The following C12orf75 variants were observed in gnomAD, a reference collection of about 807,000 sequenced individuals.
C12orf75 encodes overexpressed in colon carcinoma 1 protein.
C12orf75 carries 4 observed loss-of-function variants against 11.4 expected under a neutral mutation model. The observed-to-expected ratio is 0.35, with a 90% confidence interval of 0.17 to 0.80. The LOEUF is 0.80. Ranked by LOEUF, C12orf75 falls within the 30% of genes least tolerant of loss-of-function variation. C12orf75 has a pLI of 0.52. For synonymous variants in C12orf75, 30 were observed against 30.0 expected, an observed-to-expected ratio of 1.00 and a Z score of 0.00; for missense variants, 89 against 80.4, an observed-to-expected ratio of 1.11 and a Z score of -0.41.
At chr12:105,350,692 G>C (rs560054803) in intron 2 of C12orf75, among the ~76,000 whole-genome samples, 2 of 152,158 alleles carry the variant, frequency 1.3e-5, no homozygotes, top group Non-Finnish European at 2.9e-5. Flanking sequence ...TGAGGATTGA[G>C]AGTGGGGCAA....
intron 1 of C12orf75, among the ~76,000 whole-genome samples, chr12:105,331,352 G>A (rs1468222146): frequency 6.6e-6 from 1 of 151,972 alleles, no homozygotes; most frequent in Non-Finnish European, 1.5e-5. Flanking sequence ...CTGGAAAAGT[G>A]CAGCAGAGCA....
chr12:105,350,713 A>G (rs908995639), intron 2 of C12orf75, among the ~76,000 whole-genome samples: 22 of 152,072 alleles, frequency 1.4e-4, no homozygotes, highest in African/African-American at 5.1e-4. Flanking sequence ...TACCTTACCC[A>G]TTTTATTGTG....
rs771376717 is a variant in C12orf75 at position 105,345,659 on chromosome 12, C to CTTTTTTTTTTTTTTTTTTT, written c.47-2941_47-2923dup. Among the ~76,000 whole-genome samples the CTTTTTTTTTTTTTTTTTTT allele has an allele frequency of 4.1e-5, 3 of 73,498 alleles. 1 individual carries two copies. Among genetic ancestry groups the CTTTTTTTTTTTTTTTTTTT allele is most frequent in the Non-Finnish European group, 7.0e-5 (3 of 42,946 alleles). 48.2% of individuals were successfully genotyped at this position (73,498 alleles called of 152,430 possible). A position where few individuals can be genotyped will look rare whatever the true frequency, so the allele number is the denominator to read the frequency against. ...TCCTGATCTTGAATTAGTGTCTGGC[C>CTTTTTTTTTTTTTTTTTTT]TTTTTTTTTTTTTTTTTTTTGAGAC... On this transcript the variant is annotated intron_variant, in intron 1 of 5. Transcript: ENST00000443585.
At chr12:105,352,654 A>G (rs911168895) in intron 2 of C12orf75, among the ~76,000 whole-genome samples, 2 of 152,040 alleles carry the variant, frequency 1.3e-5, no homozygotes, top group Admixed American at 6.6e-5. Flanking sequence ...GGAGGCATGG[A>G]TATTGCTGTA....
chr12:105,361,981 G>A (rs527659674), intron 2 of C12orf75, among the ~76,000 whole-genome samples: 12 of 152,336 alleles, frequency 7.9e-5, no homozygotes, highest in South Asian at 4.1e-4. Context: ...CAAGATCTGC[G>A]AAGATTGATG....
At chr12:105,337,779 A>G (rs1892514649) in intron 1 of C12orf75, among the ~76,000 whole-genome samples, 1 of 152,174 alleles carries the variant, frequency 6.6e-6, no homozygotes, top group Non-Finnish European at 1.5e-5. Context: ...ATAGCGGGTC[A>G]TTGTTTATGC....
intron 1 of C12orf75, among the ~76,000 whole-genome samples, chr12:105,346,881 A>T (rs1229221618): frequency 6.6e-6 from 1 of 152,254 alleles, no homozygotes; most frequent in East Asian, 1.9e-4. Flanking sequence ...TTTAATTTCT[A>T]TTTAATATAT....
chr12:105,340,294 A>G lies in C12orf75; in HGVS notation c.47-8308A>G, dbSNP rs190895117. Among the ~76,000 whole-genome samples, 1,078 of 152,070 alleles carry G rather than the reference A, an allele frequency of 7.1e-3. 6 individuals are homozygous for G. The highest frequency in any genetic ancestry group is 0.011 in the Non-Finnish European group (762 of 67,980). ...CAAAAAATTAGCCGGGCGTGGTGGC[A>G]TGCGCCTGTGGTCCTAGCTACTTGG... On this transcript the variant is annotated intron_variant, in intron 1 of 5. Coordinates refer to ENST00000443585, the MANE Select transcript of C12orf75 (RefSeq NM_001145199.2).
intron 2 of C12orf75, among the ~76,000 whole-genome samples, chr12:105,349,664 T>C (rs575356798): frequency 1.2e-3 from 187 of 152,194 alleles, no homozygotes; most frequent in African/African-American, 4.3e-3. Flanking sequence ...TCACTTGAGG[T>C]CAGGAGTTCA....
chr12:105,330,701 C>G lies in C12orf75; in HGVS notation c.-191C>G. The G allele has an allele frequency of 2.5e-6, 1 of 404,622 alleles. No individual in the cohort carries two copies. The allele number at this position is 404,622 out of a possible 1,614,324, so 25.1% of individuals were successfully genotyped here. The stretch of plus-strand genomic sequence containing the variant: ...CGAGGGGTGCCGGGTGGTTTCCGCC[C>G]GGCAGCCCGCAGCCCGCTGCGCCCC... On this transcript the variant is annotated 5_prime_UTR_variant, in exon 1 of 6. Coordinates refer to ENST00000443585, the MANE Select transcript of C12orf75 (RefSeq NM_001145199.2).
chr12:105,348,685 C>T, intron 2 of C12orf75, 59 bp downstream of exon 2: 1 of 1,185,270 alleles, frequency 8.4e-7, no homozygotes, highest in African/African-American at 1.5e-5. Flanking sequence ...TGCTGTTTTT[C>T]ATGATTATGA....
intron 1 of C12orf75, among the ~76,000 whole-genome samples, chr12:105,335,909 G>A (rs1592875566): frequency 1.3e-5 from 2 of 152,242 alleles, no homozygotes; most frequent in East Asian, 3.8e-4. Flanking sequence ...GATTCAAAAT[G>A]AAGTCCTAAG....
intron 5 of C12orf75, among the ~76,000 whole-genome samples, chr12:105,370,376 G>A (rs1255417876): frequency 2.0e-5 from 3 of 152,152 alleles, no homozygotes; most frequent in Non-Finnish European, 4.4e-5. Flanking sequence ...AGCTAGGTTT[G>A]GGCATTGCTT....
intron 2 of C12orf75, among the ~76,000 whole-genome samples, chr12:105,360,626 G>A (rs1307315372): frequency 6.6e-6 from 1 of 152,160 alleles, no homozygotes; most frequent in Non-Finnish European, 1.5e-5. Context: ...ACTTACATGT[G>A]TAAGAAAATA....
chr12:105,346,317 C>T (rs1892640445), intron 1 of C12orf75, among the ~76,000 whole-genome samples: 2 of 152,334 alleles, frequency 1.3e-5, no homozygotes, highest in Non-Finnish European at 2.9e-5. Flanking sequence ...GTATCACAGG[C>T]ATTCCTTAAC....
At chr12:105,365,333 C>T (rs988561395) in intron 2 of C12orf75, among the ~76,000 whole-genome samples, 3 of 152,082 alleles carry the variant, frequency 2.0e-5, no homozygotes, top group East Asian at 1.9e-4. Flanking sequence ...ATAGTTGTGC[C>T]ACTGAAGTGT....
At chr12:105,344,287 G>A (rs1045901061) in intron 1 of C12orf75, among the ~76,000 whole-genome samples, 10 of 152,290 alleles carry the variant, frequency 6.6e-5, no homozygotes, top group African/African-American at 1.7e-4. Flanking sequence ...TTTAGTGACT[G>A]TCAGACAAAT....
chr12:105,352,158 C>T (rs1892721638), intron 2 of C12orf75, among the ~76,000 whole-genome samples: 1 of 152,138 alleles, frequency 6.6e-6, no homozygotes, highest in Non-Finnish European at 1.5e-5. Flanking sequence ...CCAAGGGAAG[C>T]GATGGCTGAT....
intron 1 of C12orf75, among the ~76,000 whole-genome samples, chr12:105,334,286 C>CA (rs1375057889): frequency 1.3e-5 from 2 of 152,204 alleles, no homozygotes; most frequent in Non-Finnish European, 2.9e-5. Flanking sequence ...AGAATGAAGT[C>CA]AAACTTTGTT....
Sources: gnomAD v4.1 joint callset for allele counts (sites outside exome capture counted in the v4.1 genomes callset) on GRCh38, gnomAD v4.1.1 for gene constraint, MANE v1.5 for transcripts, NCBI Gene and HGNC (gene_info 2026-07-23, HGNC 2026-07-21) for gene names.